Variants in ARHGAP31 observed in about 807,000 individuals in gnomAD.
ARHGAP31 encodes Rho GTPase activating protein 31, also known as rho GTPase-activating protein 31.
ARHGAP31 carries 34 observed loss-of-function variants against 113.9 expected under a neutral mutation model. That is an observed-to-expected ratio of 0.30 (90% CI 0.23 to 0.40). ARHGAP31 has a LOEUF of 0.40. Among genes scored for constraint, ARHGAP31 ranks in the 10% least tolerant of loss-of-function variants. The probability of loss-of-function intolerance (pLI) is 1.00; values close to 1 mark genes in which losing one functional copy is unlikely to be tolerated. For synonymous variants in ARHGAP31, 650 were observed against 684.8 expected (o/e 0.95, Z 0.79); for missense variants, 1,548 against 1,767.1 (o/e 0.88, Z 2.22).
intron 8 of ARHGAP31, among the ~76,000 whole-genome samples, chr3:119,395,088 T>C (rs1577027666): frequency 6.6e-6 from 1 of 152,302 alleles, no homozygotes; most frequent in South Asian, 2.1e-4. Flanking sequence ...TTAAGGGTGG[T>C]AGGTTTCTAA....
intron 1 of ARHGAP31, among the ~76,000 whole-genome samples, chr3:119,320,886 C>A (rs915291050): frequency 6.6e-6 from 1 of 152,082 alleles, no homozygotes; most frequent in African/African-American, 2.4e-5. Flanking sequence ...TGGGGCCAGG[C>A]CTTTCTCGGG....
At chr3:119,335,026 T>C (rs2079930310) in intron 1 of ARHGAP31, among the ~76,000 whole-genome samples, 2 of 152,132 alleles carry the variant, frequency 1.3e-5, no homozygotes, top group Non-Finnish European at 2.9e-5. Flanking sequence ...TGAGTTATGC[T>C]GTAGAAGAAC....
rs1203633790 is a variant in ARHGAP31 at position 119,390,793 on chromosome 3, C to T, written c.691C>T (p.Pro231Ser). The T allele has an allele frequency of 1.2e-5, 19 of 1,612,396 alleles. No homozygotes were observed. The highest frequency in any genetic ancestry group is 1.4e-5 in the Non-Finnish European group (16 of 1,179,992). ...PGSLENDENR[P>S]IMKSLTLPAL... ...TTCCATTGCCTTTACAGAAAACCGG[C>T]CCATCATGAAGAGCCTGACCTTGCC... is the stretch of plus-strand genomic sequence containing the variant. Residue 231 changes from proline to serine, a missense_variant, in exon 7 of 12, where the codon CCC becomes TCC. Pro to Ser is a moderately conservative substitution (Grantham distance 74). Transcript: ENST00000264245.
At chr3:119,297,332 G>A (rs2079542250) in intron 1 of ARHGAP31, among the ~76,000 whole-genome samples, 1 of 152,200 alleles carries the variant, frequency 6.6e-6, no homozygotes, top group African/African-American at 2.4e-5. Context: ...CTGCTTCTGG[G>A]AGGAAAAGCT....
At position 119,402,416 on chromosome 3, in the gene ARHGAP31, G is replaced by A; in HGVS notation, c.1645+19G>A. The A allele has an allele frequency of 6.2e-7, 1 of 1,605,918 alleles. No individual in the cohort carries two copies. The highest frequency in any genetic ancestry group is 8.5e-7 in the Non-Finnish European group (1 of 1,173,880). ...TCTGCAGGTAAGTAGAGGAGAGAGG[G>A]TATCTTTCCGTTGCAAGAGAGAAAA... On this transcript the variant is annotated intron_variant, in intron 10 of 11. Transcript: ENST00000264245.
At chr3:119,308,819 A>G (rs2079653203) in intron 1 of ARHGAP31, among the ~76,000 whole-genome samples, 1 of 152,030 alleles carries the variant, frequency 6.6e-6, no homozygotes, top group Non-Finnish European at 1.5e-5. Flanking sequence ...CAATTCCTAA[A>G]TGTGGTCATT....
At chr3:119,309,559 G>A (rs1203127528) in intron 1 of ARHGAP31, among the ~76,000 whole-genome samples, 1 of 151,762 alleles carries the variant, frequency 6.6e-6, no homozygotes, top group Non-Finnish European at 1.5e-5. Context: ...GTTCAAGACC[G>A]GCCTGGACAA....
intron 1 of ARHGAP31, among the ~76,000 whole-genome samples, chr3:119,321,296 G>GTATATATATTATATATATATATATAGTA (rs2079783165): frequency 7.3e-6 from 1 of 136,382 alleles, no homozygotes. Flanking sequence ...TATATATATA[G>GTATATATATTATATATATATATATAGTA]TATATATATA....
chr3:119,341,236 A>G (rs549424062), intron 1 of ARHGAP31, among the ~76,000 whole-genome samples: 2 of 152,262 alleles, frequency 1.3e-5, no homozygotes, highest in South Asian at 4.2e-4. Context: ...GATGGTCCTA[A>G]AGGGGTGGGG....
At chr3:119,368,256 A>G in intron 2 of ARHGAP31, 116 bp from the exon 3 acceptor site, 1 of 1,369,720 alleles carries the variant, frequency 7.3e-7, no homozygotes, top group South Asian at 1.2e-5. Flanking sequence ...AATTAAGGTC[A>G]AAAATATAGT....
At position 119,383,151 on chromosome 3, in the gene ARHGAP31, G is replaced by C. The variant is rs768208725; in HGVS notation, c.607G>C (p.Val203Leu). 2 of 1,614,102 alleles carry C rather than the reference G, an allele frequency of 1.2e-6. No homozygotes were observed. The highest frequency in any genetic ancestry group is 3.3e-5 in the Admixed American group (2 of 60,016). The change falls in exon 6 of 12, where the codon GTG (valine) becomes CTG (leucine). Residue 203 changes from valine (V) to leucine (L), a missense_variant. Coordinates refer to ENST00000264245, the MANE Select transcript of ARHGAP31 (RefSeq NM_020754.4). Reference protein sequence around the residue: ...AAFLAVRVQQVVIEFILNHVD... With the variant: ...AAFLAVRVQQLVIEFILNHVD... ...CTTCCTTGCAGTCCGGGTCCAGCAG[G>C]TGGTGATTGAGTTCATATTGAATCA... is the stretch of plus-strand genomic sequence containing the variant.
chr3:119,313,952 G>T (rs1455706108), intron 1 of ARHGAP31, among the ~76,000 whole-genome samples: 1 of 152,196 alleles, frequency 6.6e-6, no homozygotes, highest in Non-Finnish European at 1.5e-5. Context: ...CTTGTCACCA[G>T]TGGCACTCAC....
chr3:119,408,407 G>A (rs554036350), intron 10 of ARHGAP31, among the ~76,000 whole-genome samples: 6 of 152,354 alleles, frequency 3.9e-5, no homozygotes, highest in Admixed American at 2.0e-4. Flanking sequence ...TTGCTGGGCT[G>A]GCCTTGCGGT....
chr3:119,405,861 T>C (rs1253271101), intron 10 of ARHGAP31, among the ~76,000 whole-genome samples: 2 of 152,214 alleles, frequency 1.3e-5, no homozygotes. Flanking sequence ...TTTTTAGGAA[T>C]AGATACTGCC....
chr3:119,392,446 T>TCAACAA (rs548927602), intron 7 of ARHGAP31, among the ~76,000 whole-genome samples: 5 of 151,926 alleles, frequency 3.3e-5, no homozygotes, highest in African/African-American at 9.7e-5. Flanking sequence ...AGACCCTGTC[T>TCAACAA]CAACAACAAC....
chr3:119,339,847 C>T (rs2079992310), intron 1 of ARHGAP31, among the ~76,000 whole-genome samples: 1 of 152,052 alleles, frequency 6.6e-6, no homozygotes, highest in Non-Finnish European at 1.5e-5. Flanking sequence ...AAGGAAAATC[C>T]TTGGAATCTG....
At chr3:119,374,047 G>A (rs1404995106) in intron 3 of ARHGAP31, among the ~76,000 whole-genome samples, 1 of 152,212 alleles carries the variant, frequency 6.6e-6, no homozygotes, top group African/African-American at 2.4e-5. Context: ...TGTTAAAACT[G>A]TGTGGCCATG....
chr3:119,357,462 CAG>C (rs750575590), intron 1 of ARHGAP31, among the ~76,000 whole-genome samples: 1 of 152,096 alleles, frequency 6.6e-6, no homozygotes, highest in Non-Finnish European at 1.5e-5. Context: ...ATGAGACTGG[CAG>C]GGGGGAGTGT....
chr3:119,309,403 C>T (rs947613326), intron 1 of ARHGAP31, among the ~76,000 whole-genome samples: 2 of 152,100 alleles, frequency 1.3e-5, no homozygotes, highest in African/African-American at 4.8e-5. Context: ...TTGCCTCTTG[C>T]CAGGCCCTGT....
Sources: gnomAD v4.1 joint callset for allele counts (sites outside exome capture counted in the v4.1 genomes callset) on GRCh38, gnomAD v4.1.1 for gene constraint, MANE v1.5 for transcripts, NCBI Gene and HGNC (gene_info 2026-07-23, HGNC 2026-07-21) for gene names.